The following ZBTB7C variants were observed in gnomAD, a reference collection of about 807,000 sequenced individuals.
ZBTB7C encodes zinc finger and BTB domain-containing protein 7C.
ZBTB7C carries 8 observed loss-of-function variants against 25.7 expected under a neutral mutation model. The observed-to-expected ratio is 0.31, with a 90% CI of 0.18 to 0.56. ZBTB7C has a LOEUF of 0.56. ZBTB7C is among the 20% of genes least tolerant of loss of function. The probability of loss-of-function intolerance (pLI) is 0.91; values close to 1 mark genes in which losing one functional copy is unlikely to be tolerated. For synonymous variants in ZBTB7C, 394 were observed against 369.0 expected, an observed-to-expected ratio of 1.07 and a Z score of -0.78; for missense variants, 824 against 855.2, an observed-to-expected ratio of 0.96 and a Z score of 0.46.
chr18:48,376,811 G>A (rs2047529873), intron 1 of ZBTB7C, among the ~76,000 whole-genome samples: 1 of 152,218 alleles, frequency 6.6e-6, no homozygotes, highest in Non-Finnish European at 1.5e-5. Flanking sequence ...AGCTACCCCA[G>A]GCATCAATTA....
chr18:48,040,497 G>A lies in ZBTB7C; in HGVS notation c.611C>T (p.Pro204Leu). 2 of 1,613,222 alleles carry A rather than the reference G, an allele frequency of 1.2e-6. No homozygotes were observed. The highest frequency in any genetic ancestry group is 2.7e-5 in the African/African-American group (2 of 75,006). ...HLTEKAYSDT[P>L]RDFPDSFQAG... ...CTGGAAGGAGTCAGGGAAGTCCCTG[G>A]GGGTGTCTGAATAGGCCTTCTCTGT... The change falls in exon 4 of 5, where the codon CCC becomes CTC. Residue 204 changes from proline (P) to leucine (L), a missense_variant. Pro to Leu is a moderately conservative substitution (Grantham distance 98, BLOSUM62 -3). Coordinates refer to ENST00000590800, the MANE Select transcript of ZBTB7C (RefSeq NM_001318841.2).
At chr18:48,074,031 T>TC (rs1459973640) in intron 3 of ZBTB7C, among the ~76,000 whole-genome samples, 1 of 147,054 alleles carries the variant, frequency 6.8e-6, no homozygotes, top group Non-Finnish European at 1.5e-5. Context: ...TTTTTTTTTT[T>TC]CAGACGGAGT....
intron 2 of ZBTB7C, among the ~76,000 whole-genome samples, chr18:48,249,170 T>C (rs2043777350): frequency 6.6e-6 from 1 of 152,248 alleles, no homozygotes; most frequent in African/African-American, 2.4e-5. Flanking sequence ...GTGATGGCAC[T>C]GTATTAAATA....
intron 4 of ZBTB7C, among the ~76,000 whole-genome samples, chr18:48,036,787 G>A (rs1447310968): frequency 6.6e-6 from 1 of 152,154 alleles, no homozygotes; most frequent in East Asian, 1.9e-4. Context: ...AGGTGGAAGG[G>A]GCAGGTGTTA....
intron 2 of ZBTB7C, among the ~76,000 whole-genome samples, chr18:48,237,884 A>T (rs1003936864): frequency 1.3e-5 from 2 of 152,240 alleles, no homozygotes; most frequent in Non-Finnish European, 2.9e-5. Flanking sequence ...GTATATTTTC[A>T]CTTATTCATA....
intron 2 of ZBTB7C, among the ~76,000 whole-genome samples, chr18:48,223,810 G>C (rs572302945): frequency 6.6e-6 from 1 of 152,254 alleles, no homozygotes; most frequent in Non-Finnish European, 1.5e-5. Flanking sequence ...CTGTTTAAGA[G>C]TCTGCTGTTT....
At chr18:48,274,211 C>T (rs544884227) in intron 2 of ZBTB7C, among the ~76,000 whole-genome samples, 2 of 152,218 alleles carry the variant, frequency 1.3e-5, no homozygotes, top group Non-Finnish European at 2.9e-5. Flanking sequence ...CTCCAGACTA[C>T]CTCTCAATAC....
chr18:48,377,442 G>A (rs1156843634), intron 1 of ZBTB7C, among the ~76,000 whole-genome samples: 2 of 152,186 alleles, frequency 1.3e-5, no homozygotes, highest in Non-Finnish European at 2.9e-5. Flanking sequence ...TACTGAGGAG[G>A]TGACATTTGA....
chr18:48,192,014 T>G (rs1568291908), intron 2 of ZBTB7C, among the ~76,000 whole-genome samples: 1 of 152,186 alleles, frequency 6.6e-6, no homozygotes, highest in Non-Finnish European at 1.5e-5. Context: ...AGCAGCTTTA[T>G]TCATAATTGC....
At chr18:48,035,769 C>T (rs1013557003) in intron 4 of ZBTB7C, among the ~76,000 whole-genome samples, 2 of 152,218 alleles carry the variant, frequency 1.3e-5, no homozygotes, top group African/African-American at 2.4e-5. Context: ...CACCTCTGGC[C>T]GAAGCCTGCC....
At chr18:48,118,537 AT>A (rs2039523332) in intron 3 of ZBTB7C, among the ~76,000 whole-genome samples, 1 of 152,208 alleles carries the variant, frequency 6.6e-6, no homozygotes, top group Non-Finnish European at 1.5e-5. Context: ...AACCTGAAAT[AT>A]TTAGTCTTTG....
intron 2 of ZBTB7C, among the ~76,000 whole-genome samples, chr18:48,200,542 T>A (rs1330484806): frequency 6.6e-6 from 1 of 152,180 alleles, no homozygotes; most frequent in East Asian, 1.9e-4. Context: ...CAGAGGCCAG[T>A]TGCTAGCCTG....
intron 1 of ZBTB7C, among the ~76,000 whole-genome samples, chr18:48,377,296 T>C (rs1045473063): frequency 5.3e-5 from 8 of 152,172 alleles, no homozygotes; most frequent in African/African-American, 1.7e-4. Flanking sequence ...CCCCAGAATC[T>C]CCTGATCTAA....
In ZBTB7C at chr18:48,328,756, G is replaced by A. The variant is rs565421259; in HGVS notation, c.-79+9418C>T. ...TTAAAATGAGTGTATTTTTAGGGGAGGAGGGTTCTTGATGTGCCTGGTAGG... is the reference window on the plus strand; with the variant it reads ...TTAAAATGAGTGTATTTTTAGGGGAAGAGGGTTCTTGATGTGCCTGGTAGG... On this transcript the variant is annotated intron_variant, in intron 2 of 4. Transcript: ENST00000590800. 9.9e-5 allele frequency among the ~76,000 whole-genome samples: 15 copies of A among 152,258 alleles called. No individual in the cohort carries two copies. The South Asian group carries it at 3.1e-3, about 32-fold the overall frequency.
At chr18:48,207,748 C>T (rs1450523724) in intron 2 of ZBTB7C, among the ~76,000 whole-genome samples, 1 of 152,144 alleles carries the variant, frequency 6.6e-6, no homozygotes, top group African/African-American at 2.4e-5. Context: ...GCCACCACAC[C>T]AGGCCACAGA....
At chr18:48,396,724 T>C (rs1349039325) in intron 1 of ZBTB7C, among the ~76,000 whole-genome samples, 1 of 152,262 alleles carries the variant, frequency 6.6e-6, no homozygotes, top group Non-Finnish European at 1.5e-5. Flanking sequence ...ACTCTGTTCC[T>C]GTCCACTCAT....
intron 3 of ZBTB7C, among the ~76,000 whole-genome samples, chr18:48,063,644 T>G (rs2037208780): frequency 6.6e-6 from 1 of 151,508 alleles, no homozygotes. Context: ...GAATGGCCAA[T>G]TGCCATGGCC....
At chr18:48,085,385 G>A (rs1189019579) in intron 3 of ZBTB7C, among the ~76,000 whole-genome samples, 3 of 152,164 alleles carry the variant, frequency 2.0e-5, no homozygotes, top group Admixed American at 6.5e-5. Context: ...CACTAGAGAC[G>A]TTTGTCACAG....
At chr18:48,222,560 A>G (rs752813837) in intron 2 of ZBTB7C, among the ~76,000 whole-genome samples, 4 of 152,186 alleles carry the variant, frequency 2.6e-5, no homozygotes, top group South Asian at 4.1e-4. Flanking sequence ...TGAGAAAATT[A>G]AGCTCATGGA....
Sources: allele counts gnomAD v4.1 joint callset (sites outside exome capture counted in the v4.1 genomes callset), GRCh38; gene constraint gnomAD v4.1.1; transcripts MANE v1.5; gene names NCBI Gene and HGNC (gene_info 2026-07-23, HGNC 2026-07-21).